Variants in PKHD1 observed in about 807,000 individuals in gnomAD.
PKHD1 encodes the protein PKHD1 ciliary IPT domain containing fibrocystin/polyductin.
In PKHD1, 291 loss-of-function variants were observed where a neutral mutation model predicts 412.0. The ratio of observed to expected loss-of-function variants is 0.71; its 90% CI spans 0.64 to 0.78. The LOEUF is 0.78. PKHD1 is among the 30% of genes least tolerant of loss of function. PKHD1 has a pLI of 0.00. For missense variants in PKHD1, 4,825 were observed against 4,950.7 expected (o/e 0.97, Z 0.76); for synonymous variants, 1,777 against 1,821.5 (o/e 0.98, Z 0.62).
chr6:51,644,249 A>G (rs1186143434), intron 63 of PKHD1, among the ~76,000 whole-genome samples: 2 of 152,188 alleles, frequency 1.3e-5, no homozygotes, highest in African/African-American at 4.8e-5. Context: ...AACAACATCA[A>G]ATGATTATTC....
chr6:52,062,526 G>T lies in PKHD1; in HGVS notation c.1111C>A (p.Pro371Thr), dbSNP rs1808829426. 4 of 1,613,912 alleles carry T rather than the reference G, an allele frequency of 2.5e-6. No individual in the cohort carries two copies. The highest frequency in any genetic ancestry group is 1.7e-5 in the Admixed American group (1 of 59,992). Reference protein sequence around the residue: ...PFGFWSQEGQPFRARLSGFFV... With the variant: ...PFGFWSQEGQTFRARLSGFFV... The stretch of plus-strand genomic sequence containing the variant: ...ACTTTTCCTACAACATACCTGAAAG[G>T]TTGTCCTTCCTGTGACCAAAACCCA... Residue 371 changes from proline to threonine, a missense_variant, in exon 14 of 67, where the codon CCT (proline) becomes ACT (threonine). By Grantham distance (38) the Pro-to-Thr change is conservative. Coordinates refer to ENST00000371117, the MANE Select transcript of PKHD1 (RefSeq NM_138694.4).
In PKHD1 at chr6:52,043,627, A is replaced by G. The variant is rs1445955110; in HGVS notation, c.2819T>C (p.Ile940Thr). Residue 940 changes from isoleucine to threonine, a missense_variant and splice_region_variant, in exon 26 of 67, where the codon ATT becomes ACT. By Grantham distance (89) the Ile-to-Thr change is moderately conservative (BLOSUM62 -1). Coordinates refer to ENST00000371117, the MANE Select transcript of PKHD1 (RefSeq NM_138694.4). ...TPCVHSVWYS[I>T]DGDINLMIYI... The stretch of plus-strand genomic sequence containing the variant: ...CAGAGCCAAGTGACAAATCATACCA[A>G]TGGAGTACCACACAGAATGGACACA... 1.2e-5 allele frequency: 20 copies of G among 1,604,022 alleles called. No individual in the cohort carries two copies. Among genetic ancestry groups the G allele is most frequent in the Non-Finnish European group, 1.5e-5 (18 of 1,171,016 alleles).
intron 51 of PKHD1, among the ~76,000 whole-genome samples, chr6:51,834,008 C>G (rs1371423637): frequency 6.6e-6 from 1 of 152,134 alleles, no homozygotes; most frequent in African/African-American, 2.4e-5. Flanking sequence ...TAGGTAGTCT[C>G]AAGTCTAATA....
chr6:51,971,215 T>A (rs1467174657), intron 35 of PKHD1, among the ~76,000 whole-genome samples: 1 of 152,222 alleles, frequency 6.6e-6, no homozygotes, highest in African/African-American at 2.4e-5. Flanking sequence ...AGATAATAAA[T>A]CGGCATTGTT....
chr6:51,756,145 T>C (rs1224559421), intron 55 of PKHD1, among the ~76,000 whole-genome samples: 1 of 152,124 alleles, frequency 6.6e-6, no homozygotes, highest in African/African-American at 2.4e-5. Flanking sequence ...GAAAGAGTCA[T>C]AGAGAAGACA....
chr6:51,659,175 G>A lies in PKHD1; in HGVS notation c.10951C>T (p.Pro3651Ser), dbSNP rs1220149658. 6.2e-7 allele frequency: 1 copy of A among 1,613,644 alleles called. No individual in the cohort carries two copies. Among genetic ancestry groups the A allele is most frequent in the East Asian group, 2.2e-5 (1 of 44,864 alleles). The change falls in exon 61 of 67, where the codon CCC becomes TCC. Residue 3651 changes from proline to serine, a missense_variant. Transcript: ENST00000371117. ...MMEMNSHRAS[P>S]PMTVETISKV... ...GAGATAGTTTCCACAGTCATTGGGGGTGAAGCCCTATGTGAGTTCATTTCC... is the reference window on the plus strand; with the variant it reads ...GAGATAGTTTCCACAGTCATTGGGGATGAAGCCCTATGTGAGTTCATTTCC...
intron 60 of PKHD1, among the ~76,000 whole-genome samples, chr6:51,718,364 G>C (rs934817927): frequency 6.6e-5 from 10 of 152,110 alleles, no homozygotes; most frequent in African/African-American, 2.4e-4. Flanking sequence ...GAAACCTTAA[G>C]CACACTTATT....
chr6:51,742,752 C>T (rs1421975065), intron 60 of PKHD1, among the ~76,000 whole-genome samples: 3 of 152,014 alleles, frequency 2.0e-5, no homozygotes, highest in African/African-American at 4.8e-5. Context: ...ATAAACAGTA[C>T]ATTAACATAA....
chr6:51,992,320 T>C (rs1797137017), intron 35 of PKHD1, among the ~76,000 whole-genome samples: 1 of 152,250 alleles, frequency 6.6e-6, no homozygotes, highest in South Asian at 2.1e-4. Context: ...AATACCCTAA[T>C]ATGTTTTTCT....
At chr6:51,700,900 A>C (rs935521956) in intron 60 of PKHD1, among the ~76,000 whole-genome samples, 1 of 152,114 alleles carries the variant, frequency 6.6e-6, no homozygotes, top group African/African-American at 2.4e-5. Flanking sequence ...GTCCACCCTA[A>C]TTGATTGCAT....
intron 36 of PKHD1, among the ~76,000 whole-genome samples, chr6:51,957,635 T>C (rs1791349967): frequency 6.6e-6 from 1 of 151,872 alleles, no homozygotes; most frequent in African/African-American, 2.4e-5. Flanking sequence ...TCATAGGAGG[T>C]GAAAGAAAGA....
chr6:51,689,781 C>G (rs1014206676), intron 60 of PKHD1, among the ~76,000 whole-genome samples: 1 of 152,124 alleles, frequency 6.6e-6, no homozygotes, highest in Admixed American at 6.5e-5. Flanking sequence ...AGGAATACAG[C>G]TAATTATGGG....
intron 48 of PKHD1, among the ~76,000 whole-genome samples, chr6:51,863,443 G>A (rs1774516933): frequency 1.3e-5 from 2 of 152,230 alleles, no homozygotes; most frequent in East Asian, 1.9e-4. Flanking sequence ...ATACATTGCT[G>A]TAAACAACAA....
At chr6:51,678,603 C>T (rs1776196662) in intron 60 of PKHD1, among the ~76,000 whole-genome samples, 5 of 152,084 alleles carry the variant, frequency 3.3e-5, no homozygotes, top group Admixed American at 1.3e-4. Flanking sequence ...AAGAAATGCA[C>T]ATACATAAGT....
chr6:51,736,454 C>G (rs1292802342), intron 60 of PKHD1, among the ~76,000 whole-genome samples: 3 of 151,990 alleles, frequency 2.0e-5, no homozygotes, highest in Non-Finnish European at 4.4e-5. Flanking sequence ...AAGCCGTATC[C>G]CCCCCTGCTT....
chr6:51,843,635 G>A (rs775181850), intron 50 of PKHD1, among the ~76,000 whole-genome samples: 11 of 152,186 alleles, frequency 7.2e-5, no homozygotes, highest in Non-Finnish European at 1.3e-4. Context: ...TTGTTCTACA[G>A]TCATACCCAT....
chr6:51,952,838 C>A (rs974267113), intron 36 of PKHD1, among the ~76,000 whole-genome samples: 1 of 152,114 alleles, frequency 6.6e-6, no homozygotes, highest in Non-Finnish European at 1.5e-5. Flanking sequence ...GGTACCATGC[C>A]TGCCAAATAT....
intron 36 of PKHD1, among the ~76,000 whole-genome samples, chr6:51,943,995 GA>G (rs1471993628): frequency 6.6e-6 from 1 of 151,748 alleles, no homozygotes. Context: ...TCAGGCCTCT[GA>G]GCCCAAGCTA....
At chr6:51,749,296 T>C (rs1205802207) in intron 57 of PKHD1, among the ~76,000 whole-genome samples, 2 of 152,204 alleles carry the variant, frequency 1.3e-5, no homozygotes, top group African/African-American at 2.4e-5. Flanking sequence ...CTGACTACAC[T>C]TTATTCACTG....
Sources: allele counts gnomAD v4.1 joint callset (sites outside exome capture counted in the v4.1 genomes callset), GRCh38; gene constraint gnomAD v4.1.1; transcripts MANE v1.5; gene names NCBI Gene and HGNC (gene_info 2026-07-23, HGNC 2026-07-21).